Variants in CACNA1G observed in about 807,000 individuals in gnomAD.
The protein encoded by CACNA1G is calcium voltage-gated channel subunit alpha1 G, also known as voltage-dependent T-type calcium channel subunit alpha-1G.
A neutral mutation model predicts 219.4 loss-of-function variants in CACNA1G; 67 were observed. That is an observed-to-expected ratio of 0.31 (90% CI 0.25 to 0.37). The LOEUF is 0.37. Among genes scored for constraint, CACNA1G ranks in the 10% least tolerant of loss-of-function variants. CACNA1G has a pLI of 1.00. For synonymous variants in CACNA1G, 1,296 were observed against 1,345.3 expected, an observed-to-expected ratio of 0.96 and a Z score of 0.80; for missense variants, 2,380 against 3,231.4, an observed-to-expected ratio of 0.74 and a Z score of 6.39.
intron 16 of CACNA1G, among the ~76,000 whole-genome samples, chr17:50,597,424 G>A (rs2045786421): frequency 6.6e-6 from 1 of 152,196 alleles, no homozygotes; most frequent in Admixed American, 6.5e-5. Context: ...GGCAGAGCCA[G>A]CATTTTAATC....
chr17:50,612,334 G>A (rs561376712), intron 26 of CACNA1G, among the ~76,000 whole-genome samples: 2 of 152,376 alleles, frequency 1.3e-5, no homozygotes, highest in African/African-American at 4.8e-5. Context: ...AGCGGAGCCT[G>A]TGATTATCTG....
chr17:50,598,659 G>A (rs1031349961), intron 16 of CACNA1G, among the ~76,000 whole-genome samples: 12 of 152,228 alleles, frequency 7.9e-5, no homozygotes, highest in African/African-American at 2.9e-4. Context: ...ACAGGTGTGA[G>A]ATAACTCATT....
intron 26 of CACNA1G, among the ~76,000 whole-genome samples, chr17:50,612,880 C>G (rs1232738742): frequency 6.6e-6 from 1 of 152,250 alleles, no homozygotes; most frequent in Non-Finnish European, 1.5e-5. Context: ...TCAGTGACCA[C>G]AGGTCCAGGC....
chr17:50,618,176 G>A lies in CACNA1G; in HGVS notation c.5306-46G>A. The A allele has an allele frequency of 1.2e-6, 2 of 1,612,668 alleles. No individual in the cohort carries two copies. The highest frequency in any genetic ancestry group is 8.5e-7 in the Non-Finnish European group (1 of 1,178,952). ...AGGAGCCAGGGCTGGAGACCAGGGGGCTCCTGGACTAACATGGGCCTCTCC... is the reference window on the plus strand; with the variant it reads ...AGGAGCCAGGGCTGGAGACCAGGGGACTCCTGGACTAACATGGGCCTCTCC... On this transcript the variant is annotated intron_variant, in intron 31 of 37. Coordinates refer to ENST00000359106, the MANE Select transcript of CACNA1G (RefSeq NM_018896.5). This position sits in a 1 kb window ranked among gnomAD's most constrained non-coding sequence, Gnocchi z 5.3.
chr17:50,610,036 TC>T, intron 26 of CACNA1G, 101 bp downstream of exon 26: 1 of 1,250,934 alleles, frequency 8.0e-7, no homozygotes, highest in Non-Finnish European at 1.1e-6. Flanking sequence ...AGGGTGAGGG[TC>T]CCTGGGGCCC....
At chr17:50,581,399 G>T (rs1309892501) in intron 9 of CACNA1G, among the ~76,000 whole-genome samples, 1 of 152,024 alleles carries the variant, frequency 6.6e-6, no homozygotes, top group East Asian at 1.9e-4. Flanking sequence ...ATTGGATGGG[G>T]GGGCGGGCAC....
Position 50,624,493 on chromosome 17 carries a change from A to T in CACNA1G, c.6363A>T (p.Gly2121=). The T allele has an allele frequency of 1.9e-6, 3 of 1,599,960 alleles. No homozygotes were observed. Among genetic ancestry groups the T allele is most frequent in the South Asian group, 1.1e-5 (1 of 88,072 alleles). ...CCATCCCCAAACTGCCCCCACCAGG[A>T]CGCTCCCCTTTGGCTCAGAGGCCAC... ...WGTIPKLPPP[G]RSPLAQRPLR... Residue 2121 remains glycine (G), a synonymous_variant, in exon 37 of 38, where the codon GGA becomes GGT. Coordinates refer to ENST00000359106, the MANE Select transcript of CACNA1G (RefSeq NM_018896.5).
intron 9 of CACNA1G, among the ~76,000 whole-genome samples, chr17:50,587,395 G>A: frequency 6.6e-6 from 1 of 152,218 alleles, no homozygotes; most frequent in East Asian, 1.9e-4. Context: ...GGTGGGCACT[G>A]CCAGATGTTG....
chr17:50,573,170 G>C (rs1348186058), intron 7 of CACNA1G, 57 bp downstream of exon 7: 6 of 1,278,938 alleles, frequency 4.7e-6, no homozygotes, highest in Non-Finnish European at 6.7e-6. Context: ...ACCTGTGGGG[G>C]CAGTCCAGAG....
chr17:50,592,509 G>A (rs1000438765), intron 13 of CACNA1G, among the ~76,000 whole-genome samples: 29 of 152,186 alleles, frequency 1.9e-4, no homozygotes, highest in Non-Finnish European at 5.9e-5. Context: ...CTCTGACTGA[G>A]CAGATGAAGA....
chr17:50,593,406 G>A (rs1024659782), intron 13 of CACNA1G, among the ~76,000 whole-genome samples: 2 of 152,212 alleles, frequency 1.3e-5, no homozygotes, highest in Non-Finnish European at 2.9e-5. Flanking sequence ...AAAACACCGC[G>A]GGCCTATTCC....
intron 23 of CACNA1G, chr17:50,606,225 C>G: frequency 1.3e-6 from 1 of 766,500 alleles, no homozygotes; most frequent in Non-Finnish European, 2.4e-6. Flanking sequence ...CATGGGGTCT[C>G]TAGCCGTCCT....
chr17:50,608,999 CTGTT>C (rs2048583554), intron 25 of CACNA1G, among the ~76,000 whole-genome samples: 2 of 152,198 alleles, frequency 1.3e-5, no homozygotes, highest in Non-Finnish European at 2.9e-5. Flanking sequence ...GTGTCTCTCT[CTGTT>C]TGGGGTGAGG....
chr17:50,599,818 C>A lies in CACNA1G; in HGVS notation c.3649C>A (p.Pro1217Thr). The A allele has an allele frequency of 6.2e-7, 1 of 1,611,430 alleles. No homozygotes were observed. Residue 1217 changes from proline (P) to threonine (T), a missense_variant, in exon 17 of 38, where the codon CCC becomes ACC. Pro to Thr is a conservative substitution (Grantham distance 38). This residue lies in a region of CACNA1G where 418 missense variants were observed against 434.3 expected (regional missense o/e 0.96). Transcript: ENST00000359106. ...GGCCCGGGCCCTGCGGCCTGATGAC[C>A]CCCCACTGGATGGGGATGACGCCGA... ...RLARALRPDD[P>T]PLDGDDADDE...
In CACNA1G at chr17:50,624,046, G is replaced by A. The variant is rs548433941; in HGVS notation, c.6200G>A (p.Arg2067Lys). The change falls in exon 36 of 38, where the codon AGG becomes AAG. Residue 2067 changes from arginine to lysine, a missense_variant. This residue lies in a region of CACNA1G where 672 missense variants were observed against 670.5 expected (regional missense o/e 1.00). Transcript: ENST00000359106. The stretch of plus-strand genomic sequence containing the variant: ...ACTGCCGAGGGGCCCCTGGGACACA[G>A]GGGCTGGGGGCTCCCCAAAGCTCAG... ...GSTAEGPLGH[R>K]GWGLPKAQSG... The A allele has an allele frequency of 4.3e-6, 7 of 1,612,766 alleles. No homozygotes were observed. In the African/African-American group the frequency reaches 5.3e-5, roughly 12 times the overall value.
chr17:50,591,876 C>T (rs781713503), intron 12 of CACNA1G, 23 bp downstream of exon 12: 8 of 1,613,346 alleles, frequency 5.0e-6, no homozygotes, highest in East Asian at 2.2e-5. Context: ...CAGGGCAGGG[C>T]GTGGACAGGG....
intron 24 of CACNA1G, 23 bp from the exon 25 acceptor site, chr17:50,607,804 C>A (rs1288131091): frequency 3.1e-6 from 5 of 1,609,510 alleles, no homozygotes; most frequent in Non-Finnish European, 4.2e-6. Context: ...ATGCCTCCGC[C>A]TGTCCTTCCT....
At chr17:50,579,343 G>A (rs2041413064) in intron 9 of CACNA1G, among the ~76,000 whole-genome samples, 1 of 152,090 alleles carries the variant, frequency 6.6e-6, no homozygotes, top group South Asian at 2.1e-4. Flanking sequence ...GGGCTGAGGG[G>A]GAGGAGGCTT....
At chr17:50,602,744 C>A in intron 19 of CACNA1G, 76 bp from the exon 20 acceptor site, 1 of 1,326,082 alleles carries the variant, frequency 7.5e-7, no homozygotes, top group Non-Finnish European at 1.1e-6. Context: ...CAGGTTTTGA[C>A]TTGTGTATGC....
Sources: allele counts gnomAD v4.1 joint callset (sites outside exome capture counted in the v4.1 genomes callset), GRCh38; gene constraint gnomAD v4.1.1; regional missense constraint gnomAD v4.1.1; non-coding constraint Gnocchi (gnomAD v3.1); transcripts MANE v1.5; gene names NCBI Gene and HGNC (gene_info 2026-07-23, HGNC 2026-07-21).